IL1F10: variants seen among roughly 807,000 people sequenced by gnomAD.
The protein encoded by IL1F10 is interleukin 1 family member 10.
Under a neutral mutation model 13.1 loss-of-function variants are expected in IL1F10, and 13 were observed. The observed-to-expected ratio is 0.99, with a 90% CI of 0.64 to 1.57. The LOEUF (loss-of-function observed/expected upper bound fraction) is 1.57. IL1F10 is among the 40% of genes most tolerant of loss of function. The pLI is 0.00. For missense variants in IL1F10, 191 were observed against 184.1 expected, an observed-to-expected ratio of 1.04 and a Z score of -0.22; for synonymous variants, 78 against 68.2, an observed-to-expected ratio of 1.14 and a Z score of -0.71.
intron 3 of IL1F10, 65 bp from the exon 4 acceptor site, chr2:113,074,658 A>T: frequency 1.9e-6 from 3 of 1,595,786 alleles, no homozygotes; most frequent in Non-Finnish European, 2.6e-6. Context: ...CTGAGCCTTT[A>T]CCTGCCAAGA....
chr2:113,068,180 G>T (rs987759740), intron 1 of IL1F10, among the ~76,000 whole-genome samples, 164 bp downstream of exon 1: 1 of 152,160 alleles, frequency 6.6e-6, no homozygotes, highest in Non-Finnish European at 1.5e-5. Flanking sequence ...AAACATTTAG[G>T]AGCACATAAA....
intron 1 of IL1F10, chr2:113,072,471 T>G: frequency 2.1e-6 from 1 of 469,372 alleles, no homozygotes; most frequent in South Asian, 2.8e-5. Context: ...AGCACACACA[T>G]CCCAGGCTCA....
intron 1 of IL1F10, chr2:113,072,448 C>T: frequency 2.7e-6 from 1 of 374,304 alleles, no homozygotes; most frequent in Non-Finnish European, 4.8e-6. Context: ...TCCAGTTTCT[C>T]AGAACCAGCG....
rs191149949 is a variant in IL1F10, at chr2:113,074,846, T to A, written c.242T>A (p.Leu81Gln). Reference protein sequence around the residue: ...VETEEGPSLQLEDVNIEELYK... With the variant: ...VETEEGPSLQQEDVNIEELYK... ...ACAGAAGAGGGGCCTTCCCTACAGCTGGAGGTGAGAGGCCTCTCCCCATTC... is the reference window on the plus strand; with the variant it reads ...ACAGAAGAGGGGCCTTCCCTACAGCAGGAGGTGAGAGGCCTCTCCCCATTC... Residue 81 changes from leucine to glutamine, a missense_variant, in exon 4 of 5, where the codon CTG becomes CAG. Leu to Gln is a moderately radical substitution (Grantham distance 113). Transcript: ENST00000341010. The A allele has an allele frequency of 5.0e-6, 8 of 1,611,788 alleles. No individual in the cohort carries two copies. The South Asian group carries it at 7.7e-5, about 15-fold the overall frequency.
intron 2 of IL1F10, among the ~76,000 whole-genome samples, chr2:113,073,151 G>A (rs2105078292): frequency 6.6e-6 from 1 of 152,318 alleles, no homozygotes; most frequent in Admixed American, 6.5e-5. Context: ...AGAAAGTTTT[G>A]AATCTCAATG....
At position 113,075,420 on chromosome 2, in the gene IL1F10, A is replaced by G; in HGVS notation, c.*56A>G. On this transcript the variant is annotated 3_prime_UTR_variant, in exon 5 of 5. Transcript: ENST00000341010. The stretch of plus-strand genomic sequence containing the variant: ...CCCCCAAACCAAGCTCATCCTGCTC[A>G]GGGTCTATGGTAGGCAGAATAATGT... 1 of 1,322,104 alleles carries G rather than the reference A, an allele frequency of 7.6e-7. No individual in the cohort carries two copies. Among genetic ancestry groups the G allele is most frequent in the African/African-American group, 1.5e-5 (1 of 68,266 alleles). 81.9% of individuals were successfully genotyped at this position (1,322,104 alleles called of 1,614,324 possible).
At chr2:113,069,321 G>A (rs1378034213) in intron 1 of IL1F10, among the ~76,000 whole-genome samples, 2 of 152,156 alleles carry the variant, frequency 1.3e-5, no homozygotes, top group Admixed American at 6.5e-5. Context: ...TCTTTAGAAC[G>A]TGGGTCCACA....
intron 1 of IL1F10, among the ~76,000 whole-genome samples, chr2:113,068,689 A>G (rs1685785625): frequency 6.6e-6 from 1 of 152,174 alleles, no homozygotes; most frequent in South Asian, 2.1e-4. Flanking sequence ...GGGTAGTTCA[A>G]TTAGGGTGGT....
chr2:113,071,280 A>C (rs1685830240), intron 1 of IL1F10, among the ~76,000 whole-genome samples: 1 of 152,242 alleles, frequency 6.6e-6, no homozygotes, highest in South Asian at 2.1e-4. Flanking sequence ...ACAAACACAT[A>C]CATCCTTATT....
chr2:113,075,199 C>T lies in IL1F10; in HGVS notation c.294C>T (p.Arg98=). 6.2e-7 allele frequency: 1 copy of T among 1,613,716 alleles called. No individual in the cohort carries two copies. Among genetic ancestry groups the T allele is most frequent in the Non-Finnish European group, 8.5e-7 (1 of 1,179,884 alleles). The change falls in exon 5 of 5, where the codon CGC becomes CGT. Residue 98 remains arginine, a synonymous_variant. Transcript: ENST00000341010. ...ACAAAGGTGGTGAAGAGGCCACACG[C>T]TTCACCTTCTTCCAGAGCAGCTCAG... ...ELYKGGEEAT[R]FTFFQSSSGS... is the part of the protein sequence containing the mutation.
chr2:113,073,730 G>A (rs1031299340), intron 2 of IL1F10, among the ~76,000 whole-genome samples: 1 of 152,194 alleles, frequency 6.6e-6, no homozygotes, highest in Admixed American at 6.5e-5. Context: ...ATCCCCTGGA[G>A]GTGGTGGAAT....
chr2:113,074,204 C>T (rs1685893118), intron 2 of IL1F10, 125 bp from the exon 3 acceptor site: 1 of 671,952 alleles, frequency 1.5e-6, no homozygotes, highest in Admixed American at 2.2e-5. Context: ...CCCCTCTTAC[C>T]ACCTGTGAAG....
chr2:113,075,050 A>T (rs1203762988), intron 4 of IL1F10, 102 bp from the exon 5 acceptor site: 15 of 1,292,974 alleles, frequency 1.2e-5, no homozygotes, highest in Non-Finnish European at 1.6e-5. Context: ...TTGGGTAAAA[A>T]CCAGCCCTGT....
rs939921003 is a variant in IL1F10 at position 113,075,146 on chromosome 2, C to T, written c.247-6C>T. On this transcript the variant is annotated splice_region_variant and splice_polypyrimidine_tract_variant and intron_variant, in intron 4 of 4. Coordinates refer to ENST00000341010, the MANE Select transcript of IL1F10 (RefSeq NM_173161.3). ...CATTCTGCAGCCATCCACCTTGCCC[C>T]CACAGGATGTGAACATTGAGGAACT... is the stretch of plus-strand genomic sequence containing the variant. 1 of 1,595,990 alleles carries T rather than the reference C, an allele frequency of 6.3e-7. No homozygotes were observed. The highest frequency in any genetic ancestry group is 8.6e-7 in the Non-Finnish European group (1 of 1,168,980).
chr2:113,070,416 G>T (rs1266540467), intron 1 of IL1F10, among the ~76,000 whole-genome samples: 1 of 152,176 alleles, frequency 6.6e-6, no homozygotes, highest in Non-Finnish European at 1.5e-5. Flanking sequence ...AGCTGGACTG[G>T]ACCAGCATTG....
intron 1 of IL1F10, among the ~76,000 whole-genome samples, chr2:113,068,963 G>T (rs1189919340): frequency 1.3e-5 from 2 of 152,128 alleles, no homozygotes; most frequent in African/African-American, 4.8e-5. Context: ...AGGGTTGGAG[G>T]TTAAAAGACA....
intron 1 of IL1F10, among the ~76,000 whole-genome samples, chr2:113,071,916 A>G (rs971927195): frequency 6.6e-6 from 1 of 151,894 alleles, no homozygotes; most frequent in African/African-American, 2.4e-5. Context: ...CTAATTTCCA[A>G]CTCCTGATTA....
chr2:113,074,565 A>C (rs1048151668), intron 3 of IL1F10, 151 bp downstream of exon 3: 1 of 1,107,152 alleles, frequency 9.0e-7, no homozygotes. Context: ...GCGAGGGGAC[A>C]TGACTCCTGC....
chr2:113,074,653 C>T (rs1460941192), intron 3 of IL1F10, 70 bp from the exon 4 acceptor site: 1 of 1,585,278 alleles, frequency 6.3e-7, no homozygotes, highest in African/African-American at 1.3e-5. Context: ...CCTGCCTGAG[C>T]CTTTACCTGC....
Sources: gnomAD v4.1 joint callset for allele counts (sites outside exome capture counted in the v4.1 genomes callset) on GRCh38, gnomAD v4.1.1 for gene constraint, MANE v1.5 for transcripts, NCBI Gene and HGNC (gene_info 2026-07-23, HGNC 2026-07-21) for gene names.